The following HIRA variants were observed in gnomAD, a reference collection of about 807,000 sequenced individuals.
HIRA encodes the protein histone cell cycle regulator.
Under a neutral mutation model 126.6 loss-of-function variants are expected in HIRA, and 13 were observed. The ratio of observed to expected loss-of-function variants is 0.10; its 90% CI spans 0.07 to 0.16. HIRA has a LOEUF of 0.16. Among genes scored for constraint, HIRA ranks in the 10% least tolerant of loss-of-function variants. HIRA has a pLI of 1.00. For synonymous variants in HIRA, 511 were observed against 520.0 expected (o/e 0.98, Z 0.24); for missense variants, 834 against 1,314.4 (o/e 0.63, Z 5.65).
At position 19,388,609 on chromosome 22, in the gene HIRA, T is replaced by A; in HGVS notation, c.937-55A>T. 2.1e-6 allele frequency: 3 copies of A among 1,421,774 alleles called. No homozygotes were observed. In the South Asian group the frequency reaches 3.5e-5, roughly 16 times the overall value. 88.1% of individuals were successfully genotyped at this position (1,421,774 alleles called of 1,614,324 possible). On this transcript the variant is annotated intron_variant, in intron 9 of 24. Transcript: ENST00000263208. Reference sequence around the variant, plus strand: ...GAAATTACTGAAATCCCCTTCTGTATTCAGCTCAGTTAACATAACCAACCT... The same window carrying A: ...GAAATTACTGAAATCCCCTTCTGTAATCAGCTCAGTTAACATAACCAACCT...
intron 1 of HIRA, among the ~76,000 whole-genome samples, chr22:19,412,750 A>G (rs2089364182): frequency 6.6e-6 from 1 of 152,230 alleles, no homozygotes. Context: ...CTGCACAAGT[A>G]ACCAATTACA....
chr22:19,407,049 C>T (rs937336286), intron 4 of HIRA, 135 bp downstream of exon 4: 2 of 687,246 alleles, frequency 2.9e-6, no homozygotes, highest in African/African-American at 1.8e-5. Context: ...TGCTCCTGAC[C>T]TACATGCACT....
chr22:19,352,254 C>T (rs551119128), intron 23 of HIRA, among the ~76,000 whole-genome samples: 2 of 151,680 alleles, frequency 1.3e-5, no homozygotes, highest in Non-Finnish European at 2.9e-5. Context: ...GGTGGCGGGG[C>T]GGAGAGGAGG....
chr22:19,371,714 A>G (rs2088966879), intron 15 of HIRA, among the ~76,000 whole-genome samples: 1 of 152,220 alleles, frequency 6.6e-6, no homozygotes, highest in Non-Finnish European at 1.5e-5. Flanking sequence ...TATCAATGGA[A>G]TCATACAACC....
chr22:19,357,957 C>CT (rs1461295766), intron 18 of HIRA, among the ~76,000 whole-genome samples: 25 of 152,196 alleles, frequency 1.6e-4, no homozygotes, highest in Admixed American at 1.6e-3. Context: ...AGAGAACACT[C>CT]TAAGCAGCAC....
chr22:19,415,149 A>G (rs1321695081), intron 1 of HIRA, among the ~76,000 whole-genome samples: 2 of 152,064 alleles, frequency 1.3e-5, no homozygotes, highest in Non-Finnish European at 2.9e-5. Flanking sequence ...CACCCCGCCC[A>G]GCTACAAACA....
chr22:19,360,506 G>A (rs981834071), intron 17 of HIRA, among the ~76,000 whole-genome samples: 9 of 152,168 alleles, frequency 5.9e-5, no homozygotes, highest in Admixed American at 3.3e-4. Context: ...AAGGGCTGAC[G>A]CCTGCTCTCT....
Position 19,355,696 on chromosome 22 carries a change from G to A in HIRA, c.2561+64C>T, listed in dbSNP as rs2088805088. 6.5e-6 allele frequency: 8 copies of A among 1,231,632 alleles called. No individual in the cohort carries two copies. In the South Asian group the frequency reaches 8.6e-5, roughly 13 times the overall value. 76.3% of individuals were successfully genotyped at this position (1,231,632 alleles called of 1,614,324 possible). A position where few individuals can be genotyped will look rare whatever the true frequency, so the allele number is the denominator to read the frequency against. ...GCAGCCCTGTAGGCCACGACCCTTTGCTCTGCTGTCTAGAGCAGACAGACA... is the reference window on the plus strand; with the variant it reads ...GCAGCCCTGTAGGCCACGACCCTTTACTCTGCTGTCTAGAGCAGACAGACA... On this transcript the variant is annotated intron_variant, in intron 21 of 24. Transcript: ENST00000263208.
chr22:19,375,590 C>A, intron 15 of HIRA, 41 bp downstream of exon 15: 1 of 1,606,496 alleles, frequency 6.2e-7, no homozygotes, highest in Non-Finnish European at 8.5e-7. Flanking sequence ...CCCATGCCTG[C>A]ACCCTGCCTG....
intron 24 of HIRA, among the ~76,000 whole-genome samples, chr22:19,349,341 G>A (rs782413965): frequency 2.0e-5 from 3 of 152,090 alleles, no homozygotes; most frequent in Non-Finnish European, 2.9e-5. Context: ...GACCTCAGGT[G>A]ATCCACCCAT....
intron 15 of HIRA, among the ~76,000 whole-genome samples, chr22:19,370,204 C>T (rs768391646): frequency 2.6e-5 from 4 of 152,082 alleles, no homozygotes; most frequent in African/African-American, 7.2e-5. Flanking sequence ...CTGCCCACCT[C>T]GGCCTCCCAA....
chr22:19,379,074 C>G (rs1285657152), intron 13 of HIRA, among the ~76,000 whole-genome samples: 1 of 151,502 alleles, frequency 6.6e-6, no homozygotes, highest in Non-Finnish European at 1.5e-5. Flanking sequence ...GCCGCCCAGG[C>G]TGGAGTGCAG....
intron 15 of HIRA, among the ~76,000 whole-genome samples, chr22:19,365,339 C>T (rs888777778): frequency 6.6e-6 from 1 of 152,208 alleles, no homozygotes; most frequent in African/African-American, 2.4e-5. Flanking sequence ...TCATCTAGGA[C>T]TTTCCTAGCT....
At chr22:19,368,804 C>G (rs185853978) in intron 15 of HIRA, among the ~76,000 whole-genome samples, 35 of 152,296 alleles carry the variant, frequency 2.3e-4, no homozygotes, top group Non-Finnish European at 3.8e-4. Flanking sequence ...GCTTCCTGAG[C>G]TCACCACAGC....
chr22:19,361,601 G>A (rs1233194278), intron 16 of HIRA, 126 bp downstream of exon 16: 3 of 925,780 alleles, frequency 3.2e-6, no homozygotes, highest in African/African-American at 3.3e-5. Context: ...TCCAGGGGCT[G>A]CATGTCTAAG....
At chr22:19,426,855 G>A (rs866999032) in intron 1 of HIRA, among the ~76,000 whole-genome samples, 1 of 152,166 alleles carries the variant, frequency 6.6e-6, no homozygotes, top group Admixed American at 6.5e-5. Flanking sequence ...TGCATTTTCT[G>A]AGCTACCACA....
chr22:19,364,762 A>G (rs141927216), intron 15 of HIRA, among the ~76,000 whole-genome samples: 239 of 152,312 alleles, frequency 1.6e-3, no homozygotes, highest in African/African-American at 2.9e-3. Flanking sequence ...AATTAGGCCA[A>G]TCGATAACCC....
intron 15 of HIRA, 62 bp from the exon 16 acceptor site, chr22:19,361,993 T>C (rs2088868623): frequency 4.6e-6 from 7 of 1,535,802 alleles, no homozygotes; most frequent in Non-Finnish European, 6.3e-6. Context: ...AAGAGTGAAG[T>C]GAAATATTTA....
At chr22:19,361,487 G>A in intron 16 of HIRA, 146 bp from the exon 17 acceptor site, 2 of 774,258 alleles carry the variant, frequency 2.6e-6, no homozygotes, top group Non-Finnish European at 4.3e-6. Flanking sequence ...ATGCTACAAG[G>A]ATCCTAACCT....
Sources: allele counts gnomAD v4.1 joint callset (sites outside exome capture counted in the v4.1 genomes callset), GRCh38; gene constraint gnomAD v4.1.1; transcripts MANE v1.5; gene names NCBI Gene and HGNC (gene_info 2026-07-23, HGNC 2026-07-21).